The following CADM2 variants were observed in gnomAD, a reference collection of about 807,000 sequenced individuals.
The protein encoded by CADM2 is cell adhesion molecule 2.
A neutral mutation model predicts 49.8 loss-of-function variants in CADM2; 12 were observed. That is an observed-to-expected ratio of 0.24 (90% confidence interval 0.15 to 0.39). The LOEUF (loss-of-function observed/expected upper bound fraction) is 0.39, where lower values mean the gene tolerates loss of function less well. Ranked by LOEUF, CADM2 falls within the 10% of genes least tolerant of loss-of-function variation. The pLI is 1.00. For missense variants in CADM2, 378 were observed against 492.3 expected (o/e 0.77, Z 2.20); for synonymous variants, 214 against 175.4 (o/e 1.22, Z -1.74).
At chr3:86,007,120 C>G (rs1348031617) in intron 8 of CADM2, among the ~76,000 whole-genome samples, 2 of 145,758 alleles carry the variant, frequency 1.4e-5, no homozygotes, top group African/African-American at 5.2e-5. Flanking sequence ...ACCCCCTCAC[C>G]ATTATCTCTC....
chr3:85,604,040 T>A (rs1036602359), intron 1 of CADM2, among the ~76,000 whole-genome samples: 8 of 151,950 alleles, frequency 5.3e-5, no homozygotes, highest in Non-Finnish European at 1.2e-4. Context: ...TTATACATAC[T>A]CAGAACGTGT....
intron 1 of CADM2, among the ~76,000 whole-genome samples, chr3:85,421,449 A>G (rs2036167638): frequency 6.6e-6 from 1 of 152,210 alleles, no homozygotes; most frequent in South Asian, 2.1e-4. Flanking sequence ...ATTCATGCAG[A>G]AGAATCAGTT....
At chr3:85,192,848 A>G (rs1176629761) in intron 1 of CADM2, among the ~76,000 whole-genome samples, 1 of 152,034 alleles carries the variant, frequency 6.6e-6, no homozygotes, top group East Asian at 1.9e-4. Flanking sequence ...AAGGGCCTTA[A>G]AAAGTCCAAA....
intron 1 of CADM2, among the ~76,000 whole-genome samples, chr3:85,498,185 T>G (rs114931076): frequency 0.012 from 1,787 of 151,726 alleles, 23 homozygotes; most frequent in East Asian, 0.017. Context: ...TTTTTTTTTT[T>G]TTTGTATTTT....
chr3:85,035,964 TAGAG>T (rs2035193357), intron 1 of CADM2, among the ~76,000 whole-genome samples: 1 of 152,210 alleles, frequency 6.6e-6, no homozygotes, highest in Non-Finnish European at 1.5e-5. Flanking sequence ...GCCTGTAACA[TAGAG>T]AGCACAGTGC....
In CADM2 at chr3:86,041,145, C is replaced by T. The variant is rs562821279; in HGVS notation, c.971-24460C>T. ...CAAAAACATGCCAAATTGTAAAGAC[C>T]GTCGAGGCTAAGAAGAAACTGAATG... On this transcript the variant is annotated intron_variant, in intron 8 of 9. Transcript: ENST00000383699. 3.2e-3 allele frequency among the ~76,000 whole-genome samples: 486 copies of T among 152,264 alleles called. 3 individuals carry two copies. The highest frequency in any genetic ancestry group is 0.011 in the African/African-American group (475 of 41,532).
At chr3:85,105,751 A>T (rs1046591012) in intron 1 of CADM2, among the ~76,000 whole-genome samples, 1 of 152,212 alleles carries the variant, frequency 6.6e-6, no homozygotes, top group Non-Finnish European at 1.5e-5. Context: ...ACAGCATGGG[A>T]TACTATGCAG....
At chr3:85,689,671 T>G (rs2066324118) in intron 1 of CADM2, among the ~76,000 whole-genome samples, 1 of 152,158 alleles carries the variant, frequency 6.6e-6, no homozygotes, top group South Asian at 2.1e-4. Flanking sequence ...TCAGAGCTGT[T>G]CTTTAGGAAT....
intron 8 of CADM2, among the ~76,000 whole-genome samples, chr3:86,005,115 G>A (rs920806082): frequency 6.6e-6 from 1 of 152,128 alleles, no homozygotes; most frequent in Non-Finnish European, 1.5e-5. Context: ...GTAGATATAA[G>A]ACTCTGGAGG....
chr3:85,633,502 T>C (rs2107528143), intron 1 of CADM2, among the ~76,000 whole-genome samples: 1 of 152,170 alleles, frequency 6.6e-6, no homozygotes, highest in South Asian at 2.1e-4. Context: ...AGGGACATGT[T>C]AAAACAATAC....
At chr3:85,127,790 A>G (rs1351244237) in intron 1 of CADM2, among the ~76,000 whole-genome samples, 1 of 152,120 alleles carries the variant, frequency 6.6e-6, no homozygotes, top group Admixed American at 6.5e-5. Context: ...TATCTCTGAC[A>G]CATATTTGAT....
intron 7 of CADM2, among the ~76,000 whole-genome samples, chr3:85,940,913 T>C (rs1462102761): frequency 6.6e-6 from 1 of 151,020 alleles, no homozygotes; most frequent in East Asian, 1.9e-4. Context: ...TACAAAGATT[T>C]CTCCTATACC....
In CADM2 at chr3:85,739,895, A is replaced by G. The variant is rs113166216; in HGVS notation, c.88+13347A>G. Reference sequence around the variant, plus strand: ...TTGTGATAGTGATGCCCAAGTGTGCATTCAAAACAATTACTTTTTTTCCAG... The same window carrying G: ...TTGTGATAGTGATGCCCAAGTGTGCGTTCAAAACAATTACTTTTTTTCCAG... On this transcript the variant is annotated intron_variant, in intron 2 of 9. Coordinates refer to ENST00000383699, the MANE Select transcript of CADM2 (RefSeq NM_001167675.2). Among the ~76,000 whole-genome samples, 1,148 of 152,278 alleles carry G rather than the reference A, an allele frequency of 7.5e-3. 23 individuals carry two copies. The highest frequency in any genetic ancestry group is 0.027 in the African/African-American group (1,104 of 41,578).
chr3:85,306,478 A>G (rs1207895466), intron 1 of CADM2, among the ~76,000 whole-genome samples: 3 of 151,706 alleles, frequency 2.0e-5, no homozygotes, highest in Non-Finnish European at 4.4e-5. Flanking sequence ...ATTAAAATGT[A>G]TTACCATAGA....
chr3:84,979,054 G>T (rs1184245407), intron 1 of CADM2, among the ~76,000 whole-genome samples: 1 of 152,014 alleles, frequency 6.6e-6, no homozygotes, highest in African/African-American at 2.4e-5. Flanking sequence ...TACTCAGAGG[G>T]TGTTAGGCTT....
At chr3:85,144,475 G>T (rs2039672358) in intron 1 of CADM2, among the ~76,000 whole-genome samples, 1 of 151,934 alleles carries the variant, frequency 6.6e-6, no homozygotes, top group African/African-American at 2.4e-5. Flanking sequence ...AGCTGGTCTT[G>T]GTGGCATATG....
chr3:85,978,617 A>G (rs1727084788), intron 8 of CADM2, among the ~76,000 whole-genome samples: 1 of 151,634 alleles, frequency 6.6e-6, no homozygotes, highest in Non-Finnish European at 1.5e-5. Flanking sequence ...CAAAATAACA[A>G]TAATAATAAC....
chr3:86,015,138 A>C, intron 8 of CADM2: 1 of 511,166 alleles, frequency 2.0e-6, no homozygotes, highest in Admixed American at 3.7e-5. Context: ...TTTTAAAAAT[A>C]GGCCTTCTTA....
At chr3:85,346,101 C>T (rs1321355310) in intron 1 of CADM2, among the ~76,000 whole-genome samples, 1 of 152,070 alleles carries the variant, frequency 6.6e-6, no homozygotes, top group Non-Finnish European at 1.5e-5. Context: ...AATAAGTATT[C>T]ATAACATCAG....
Sources: gnomAD v4.1 joint callset for allele counts (sites outside exome capture counted in the v4.1 genomes callset) on GRCh38, gnomAD v4.1.1 for gene constraint, MANE v1.5 for transcripts, NCBI Gene and HGNC (gene_info 2026-07-23, HGNC 2026-07-21) for gene names.